Variants in EEPD1 observed in about 807,000 individuals in gnomAD.
The protein encoded by EEPD1 is endonuclease/exonuclease/phosphatase family domain containing 1, also known as endonuclease/exonuclease/phosphatase family domain-containing protein 1.
EEPD1 carries 17 observed loss-of-function variants against 46.3 expected under a neutral mutation model. That is an observed-to-expected ratio of 0.37 (90% CI 0.25 to 0.55). EEPD1 has a LOEUF of 0.55. Ranked by LOEUF, EEPD1 falls within the 20% of genes least tolerant of loss-of-function variation. EEPD1 has a pLI of 0.83. For missense variants in EEPD1, 673 were observed against 745.6 expected (o/e 0.90, Z 1.13); for synonymous variants, 313 against 315.6 (o/e 0.99, Z 0.09).
chr7:36,241,499 A>T (rs981149401), intron 3 of EEPD1, among the ~76,000 whole-genome samples: 59 of 151,992 alleles, frequency 3.9e-4, no homozygotes, highest in African/African-American at 1.4e-3. Flanking sequence ...TAAATAAATA[A>T]CCATCAGACA....
chr7:36,196,939 C>T (rs1226198248), intron 2 of EEPD1, among the ~76,000 whole-genome samples: 8 of 151,338 alleles, frequency 5.3e-5, no homozygotes, highest in African/African-American at 2.4e-5. Flanking sequence ...GCGCCTCTTC[C>T]GGGCCGCCAT....
chr7:36,219,798 AGAGAGAGAGT>A (rs1358952316), intron 2 of EEPD1, among the ~76,000 whole-genome samples: 49 of 77,040 alleles, frequency 6.4e-4, no homozygotes, highest in African/African-American at 1.9e-3. Flanking sequence ...AGAGAGAGAG[AGAGAGAGAGT>A]GTGTGTGTGT....
chr7:36,206,468 C>T (rs1423996443), intron 2 of EEPD1, among the ~76,000 whole-genome samples: 4 of 151,988 alleles, frequency 2.6e-5, no homozygotes, highest in African/African-American at 7.3e-5. Context: ...TCAGATCTGC[C>T]GTATTTCAGG....
intron 3 of EEPD1, among the ~76,000 whole-genome samples, chr7:36,239,783 A>C (rs1019814282): frequency 6.6e-6 from 1 of 152,120 alleles, no homozygotes; most frequent in East Asian, 1.9e-4. Flanking sequence ...AGGCCCCCCT[A>C]CTTGCCCATC....
chr7:36,298,991 C>G lies in EEPD1; in HGVS notation c.1511-16C>G. 1 of 1,613,004 alleles carries G rather than the reference C, an allele frequency of 6.2e-7. No individual in the cohort carries two copies. The highest frequency in any genetic ancestry group is 1.7e-4 in the Middle Eastern group (1 of 5,976). ...CCCATCCTGATTCCCGGTCTCTTTC[C>G]TTCCTCTCCCTTCAGGTCACTGGGC... On this transcript the variant is annotated splice_polypyrimidine_tract_variant and intron_variant, in intron 7 of 7. Transcript: ENST00000242108.
intron 2 of EEPD1, among the ~76,000 whole-genome samples, chr7:36,167,653 C>G (rs1785008814): frequency 6.6e-6 from 1 of 152,092 alleles, no homozygotes; most frequent in Non-Finnish European, 1.5e-5. Context: ...TTTGCCAAAC[C>G]CTGGGCACTG....
chr7:36,288,022 A>G (rs2011679572), intron 6 of EEPD1, among the ~76,000 whole-genome samples: 1 of 152,210 alleles, frequency 6.6e-6, no homozygotes, highest in South Asian at 2.1e-4. Context: ...AGCCTCATTT[A>G]GATAGAAAGG....
At chr7:36,289,564 G>A (rs989064744) in intron 6 of EEPD1, among the ~76,000 whole-genome samples, 23 of 152,112 alleles carry the variant, frequency 1.5e-4, no homozygotes, top group African/African-American at 5.1e-4. Flanking sequence ...GCACGATCTC[G>A]GCTCACTGCA....
intron 5 of EEPD1, among the ~76,000 whole-genome samples, chr7:36,286,345 G>A (rs1787341992): frequency 1.3e-5 from 2 of 152,342 alleles, no homozygotes; most frequent in African/African-American, 4.8e-5. Context: ...AGCAGGCAGA[G>A]CTGCAGCTGC....
intron 3 of EEPD1, among the ~76,000 whole-genome samples, chr7:36,264,328 C>G (rs1786978147): frequency 6.6e-6 from 1 of 152,298 alleles, no homozygotes; most frequent in Middle Eastern, 3.4e-3. Flanking sequence ...TGGGTCCTCA[C>G]CCAGCCACTT....
At chr7:36,284,174 A>C (rs1787304964) in intron 4 of EEPD1, among the ~76,000 whole-genome samples, 1 of 152,084 alleles carries the variant, frequency 6.6e-6, no homozygotes, top group Non-Finnish European at 1.5e-5. Flanking sequence ...ACCTCCACTC[A>C]CCCAGAAAAC....
chr7:36,245,424 G>A (rs1163334149), intron 3 of EEPD1, among the ~76,000 whole-genome samples: 1 of 152,168 alleles, frequency 6.6e-6, no homozygotes, highest in African/African-American at 2.4e-5. Context: ...GGTGAATGGT[G>A]AACACAAGCC....
intron 2 of EEPD1, among the ~76,000 whole-genome samples, chr7:36,172,617 GTTTTTTTTTTTTTTT>G (rs70977113): frequency 1.0e-5 from 1 of 100,124 alleles, no homozygotes; most frequent in African/African-American, 3.9e-5. Flanking sequence ...AATATTATGA[GTTTTTTTTTTTTTTT>G]TTTTTTTTTA....
intron 3 of EEPD1, among the ~76,000 whole-genome samples, chr7:36,257,320 A>C (rs1457642866): frequency 2.0e-5 from 3 of 149,670 alleles, no homozygotes; most frequent in African/African-American, 7.4e-5. Flanking sequence ...CTTCTCAAGG[A>C]GTATCTTTGT....
At chr7:36,277,555 G>A (rs575478829) in intron 3 of EEPD1, among the ~76,000 whole-genome samples, 2 of 152,290 alleles carry the variant, frequency 1.3e-5, no homozygotes, top group African/African-American at 4.8e-5. Context: ...TGAGGTTGAT[G>A]TTGCTGGTCC....
chr7:36,153,440 C>G lies in EEPD1; in HGVS notation c.-427C>G, dbSNP rs892886401. The G allele has an allele frequency of 6.6e-6, 1 of 152,210 alleles. No individual in the cohort carries two copies. The highest frequency in any genetic ancestry group is 1.5e-5 in the Non-Finnish European group (1 of 68,050). 9.4% of individuals were successfully genotyped at this position (152,210 alleles called of 1,614,324 possible). On this transcript the variant is annotated 5_prime_UTR_variant, in exon 1 of 8. Transcript: ENST00000242108. The stretch of plus-strand genomic sequence containing the variant: ...GGTTTCGCCGCCGCTGCCGCCGCCT[C>G]CGAGCAGCCCTGCGGCTTCTATTCA...
At chr7:36,158,329 C>G (rs1229052665) in intron 2 of EEPD1, among the ~76,000 whole-genome samples, 1 of 75,504 alleles carries the variant, frequency 1.3e-5, no homozygotes, top group African/African-American at 7.1e-5. Context: ...ATCAGGCGCA[C>G]TTGCTAAATT....
intron 2 of EEPD1, among the ~76,000 whole-genome samples, chr7:36,232,792 G>A (rs749750509): frequency 2.0e-5 from 3 of 151,686 alleles, no homozygotes; most frequent in Non-Finnish European, 4.4e-5. Flanking sequence ...AGTAACTCAT[G>A]AGAGCAGGAC....
At chr7:36,163,209 T>C (rs1275461598) in intron 2 of EEPD1, among the ~76,000 whole-genome samples, 2 of 151,986 alleles carry the variant, frequency 1.3e-5, no homozygotes, top group Non-Finnish European at 2.9e-5. Context: ...CCTTCCTTTC[T>C]TGGTGGGCAG....
Sources: allele counts gnomAD v4.1 joint callset (sites outside exome capture counted in the v4.1 genomes callset), GRCh38; gene constraint gnomAD v4.1.1; transcripts MANE v1.5; gene names NCBI Gene and HGNC (gene_info 2026-07-23, HGNC 2026-07-21).